Variants in MATCAP2 observed in about 807,000 individuals in gnomAD.
The protein encoded by MATCAP2 is putative tyrosine carboxypeptidase MATCAP2.
chr7:36,383,895 C>T, the MATCAP2 span: 1 of 1,605,284 alleles, frequency 6.2e-7, no homozygotes, highest in Non-Finnish European at 8.5e-7. Context: ...CTTCTTGCCA[C>T]TGCCTTATGA....
chr7:36,336,854 G>A, the MATCAP2 span, among the ~76,000 whole-genome samples: 26,751 of 151,618 alleles, frequency 0.18, 2,577 homozygotes, highest in East Asian at 0.42. Context: ...CAGCACTTTG[G>A]GAGGCTGAGG....
the MATCAP2 span, among the ~76,000 whole-genome samples, chr7:36,342,065 C>T: frequency 9.4e-4 from 143 of 152,306 alleles, 2 homozygotes; most frequent in Admixed American, 9.3e-3. Context: ...CAGACAAAAT[C>T]TCACAGAACT....
the MATCAP2 span, among the ~76,000 whole-genome samples, chr7:36,389,450 C>T: frequency 6.6e-6 from 1 of 151,898 alleles, no homozygotes; most frequent in Non-Finnish European, 1.5e-5. Flanking sequence ...GCAGCCATGA[C>T]CTCCTGGGCT....
chr7:36,378,819 CCCCAGCCAGGCT>C, the MATCAP2 span, among the ~76,000 whole-genome samples: 2 of 152,366 alleles, frequency 1.3e-5, no homozygotes, highest in African/African-American at 4.8e-5. Context: ...GACGCCCCTT[CCCCAGCCAGGCT>C]GCTGCCTCAC....
chr7:36,382,299 CAAAAAAAAAAAAAAA>C, the MATCAP2 span, among the ~76,000 whole-genome samples: 3 of 62,924 alleles, frequency 4.8e-5, no homozygotes, highest in Middle Eastern at 0.011. Context: ...GCGTCTGTCT[CAAAAAAAAAAAAAAA>C]AAAAAAAAAA....
At chr7:36,343,795 CAT>C in the MATCAP2 span, among the ~76,000 whole-genome samples, 3 of 151,596 alleles carry the variant, frequency 2.0e-5, no homozygotes, top group South Asian at 2.1e-4. Context: ...GAAGGTGAGA[CAT>C]GTGAAATGCA....
the MATCAP2 span, among the ~76,000 whole-genome samples, chr7:36,384,681 C>T: frequency 6.6e-6 from 1 of 152,116 alleles, no homozygotes; most frequent in African/African-American, 2.4e-5. Flanking sequence ...CGGGGGTGGC[C>T]ACCTGATCAA....
the MATCAP2 span, among the ~76,000 whole-genome samples, chr7:36,349,217 G>A: frequency 2.2e-4 from 33 of 152,202 alleles, no homozygotes; most frequent in African/African-American, 7.7e-4. Flanking sequence ...GGAAGACACT[G>A]ACAGCAGTGT....
At chr7:36,379,665 AT>A in the MATCAP2 span, among the ~76,000 whole-genome samples, 1 of 152,020 alleles carries the variant, frequency 6.6e-6, no homozygotes. Flanking sequence ...TCTGAAAAAA[AT>A]GTGTCACTAG....
At chr7:36,339,867 TCTCA>T in the MATCAP2 span, among the ~76,000 whole-genome samples, 1 of 152,160 alleles carries the variant, frequency 6.6e-6, no homozygotes, top group Non-Finnish European at 1.5e-5. Context: ...TGAAACGGAG[TCTCA>T]CTCTGTTGCC....
the MATCAP2 span, among the ~76,000 whole-genome samples, chr7:36,350,768 A>G: frequency 6.6e-6 from 1 of 152,072 alleles, no homozygotes; most frequent in African/African-American, 2.4e-5. Flanking sequence ...TCTTATAGAC[A>G]TGAGCCACCA....
the MATCAP2 span, chr7:36,336,072 AAAAATAAAATAAAT>A: frequency 8.9e-7 from 1 of 1,124,280 alleles, no homozygotes; most frequent in Non-Finnish European, 1.2e-6. Context: ...CTCCATTTCA[AAAAATAAAATAAAT>A]AAAATAAAAT....
At chr7:36,337,098 C>CAAAACAAAAAAAAAAA in the MATCAP2 span, among the ~76,000 whole-genome samples, 1 of 18,522 alleles carries the variant, frequency 5.4e-5, no homozygotes. Flanking sequence ...AACTCCATCT[C>CAAAACAAAAAAAAAAA]AAAAAAAAAA....
chr7:36,351,941 TAAAAAA>T, the MATCAP2 span, among the ~76,000 whole-genome samples: 14 of 115,290 alleles, frequency 1.2e-4, no homozygotes, highest in South Asian at 6.2e-4. Flanking sequence ...GGGAGATTGT[TAAAAAA>T]AAAAAAAAAA....
At chr7:36,358,293 A>G in the MATCAP2 span, among the ~76,000 whole-genome samples, 1 of 152,184 alleles carries the variant, frequency 6.6e-6, no homozygotes, top group Non-Finnish European at 1.5e-5. Context: ...CAAAGACAAT[A>G]CAATCTTGAA....
the MATCAP2 span, chr7:36,335,024 A>C: frequency 6.3e-7 from 1 of 1,586,388 alleles, no homozygotes; most frequent in Non-Finnish European, 8.6e-7. Context: ...ACAAATAAAC[A>C]AATGGAAAGG....
At chr7:36,360,189 A>C in the MATCAP2 span, among the ~76,000 whole-genome samples, 1 of 152,170 alleles carries the variant, frequency 6.6e-6, no homozygotes, top group Admixed American at 6.5e-5. Flanking sequence ...CTGTTTTCTA[A>C]GACCTAGTAG....
At chr7:36,343,896 C>A in the MATCAP2 span, among the ~76,000 whole-genome samples, 1 of 152,038 alleles carries the variant, frequency 6.6e-6, no homozygotes, top group East Asian at 1.9e-4. Flanking sequence ...ATTAAGGCAA[C>A]TTTTCTTAGC....
chr7:36,384,038 G>A, the MATCAP2 span: 2 of 380,166 alleles, frequency 5.3e-6, no homozygotes, highest in Non-Finnish European at 8.9e-6. Flanking sequence ...TATAAAAATA[G>A]TATAAAATAT....
Sources: gnomAD v4.1 joint callset for allele counts (sites outside exome capture counted in the v4.1 genomes callset) on GRCh38, gnomAD v4.1.1 for gene constraint, MANE v1.5 for transcripts, NCBI Gene and HGNC (gene_info 2026-07-23, HGNC 2026-07-21) for gene names.